EDRF1: variants seen among roughly 807,000 people sequenced by gnomAD.
The protein encoded by EDRF1 is erythroid differentiation regulatory factor 1, also known as erythroid differentiation-related factor 1.
EDRF1 carries 69 observed loss-of-function variants against 148.7 expected under a neutral mutation model. That is an observed-to-expected ratio of 0.46 (90% CI 0.38 to 0.57). EDRF1 has a LOEUF of 0.57. Among genes scored for constraint, EDRF1 ranks in the 20% least tolerant of loss-of-function variants. The pLI is 0.00. For synonymous variants in EDRF1, 515 were observed against 532.8 expected, an observed-to-expected ratio of 0.97 and a Z score of 0.46; for missense variants, 1,118 against 1,478.7, an observed-to-expected ratio of 0.76 and a Z score of 4.00.
intron 19 of EDRF1, 106 bp from the exon 20 acceptor site, chr10:125,747,430 A>C: frequency 7.9e-7 from 1 of 1,269,174 alleles, no homozygotes; most frequent in Non-Finnish European, 1.1e-6. Context: ...AAATTATCCC[A>C]AAATTAAATT....
In EDRF1 at chr10:125,763,505, G is replaced by A; in HGVS notation, c.*33G>A. On this transcript the variant is annotated 3_prime_UTR_variant, in exon 25 of 25. Transcript: ENST00000356792. This position sits in a 1 kb window ranked among gnomAD's most constrained non-coding sequence, Gnocchi z 4.3. ...GAGCCGTGTCCCAGACACGCTGTCA[G>A]TGCCTTCAACACGGAGCCGGTTTGT... 1 of 1,599,078 alleles carries A rather than the reference G, an allele frequency of 6.3e-7. No homozygotes were observed. The highest frequency in any genetic ancestry group is 1.1e-5 in the South Asian group (1 of 90,818).
rs187355921 is a variant in EDRF1 at position 125,739,783 on chromosome 10, C to T, written c.1982-680C>T. ...TATTTTGTTCTTTGTCTGTTAATTA[C>T]ACTTAACATATTTTGTTGTGGTTTA... is the stretch of plus-strand genomic sequence containing the variant. On this transcript the variant is annotated intron_variant, in intron 15 of 24. Coordinates refer to ENST00000356792, the MANE Select transcript of EDRF1 (RefSeq NM_001202438.2). Among the ~76,000 whole-genome samples the T allele has an allele frequency of 9.8e-5, 15 of 152,290 alleles. 1 individual carries two copies. Among genetic ancestry groups the T allele is most frequent in the African/African-American group, 3.4e-4 (14 of 41,560 alleles).
chr10:125,736,537 T>C (rs1353992374), intron 13 of EDRF1, among the ~76,000 whole-genome samples: 1 of 152,186 alleles, frequency 6.6e-6, no homozygotes, highest in Admixed American at 6.5e-5. Context: ...TTCCCTGAAC[T>C]GAAATACAGT....
chr10:125,737,779 A>G (rs975209418), intron 13 of EDRF1, 139 bp from the exon 14 acceptor site: 2 of 805,522 alleles, frequency 2.5e-6, no homozygotes, highest in African/African-American at 3.4e-5. Flanking sequence ...TAAGTACTTA[A>G]AGCAACATAT....
At chr10:125,722,128 T>C (rs972507328) in intron 2 of EDRF1, among the ~76,000 whole-genome samples, 4 of 152,234 alleles carry the variant, frequency 2.6e-5, no homozygotes, top group Non-Finnish European at 5.9e-5. Context: ...AAATGCTGTT[T>C]GTTTGTAGCA....
chr10:125,725,463 C>G (rs1564731493), intron 5 of EDRF1, 21 bp downstream of exon 5: 2 of 1,613,322 alleles, frequency 1.2e-6, no homozygotes, highest in Non-Finnish European at 8.5e-7. Flanking sequence ...ACTTATTTAT[C>G]TCTAAAGAGA....
chr10:125,722,081 A>T (rs1259066490), intron 2 of EDRF1, among the ~76,000 whole-genome samples: 1 of 152,262 alleles, frequency 6.6e-6, no homozygotes, highest in African/African-American at 2.4e-5. Flanking sequence ...TTTGGAAATT[A>T]TCCTAAAGCC....
chr10:125,733,781 A>AT, intron 11 of EDRF1, 38 bp downstream of exon 11: 1 of 1,553,634 alleles, frequency 6.4e-7, no homozygotes, highest in Non-Finnish European at 8.9e-7. Flanking sequence ...GAAGTAGCCT[A>AT]TTATATAAAG....
chr10:125,752,227 G>GTCTTT (rs1193759881), intron 22 of EDRF1: 1 of 153,946 alleles, frequency 6.5e-6, no homozygotes, highest in African/African-American at 2.4e-5. Context: ...GGGAGCCAAG[G>GTCTTT]ACAAAGACTA....
chr10:125,725,616 CG>C, intron 5 of EDRF1, 65 bp from the exon 6 acceptor site: 1 of 1,598,930 alleles, frequency 6.3e-7, no homozygotes, highest in Non-Finnish European at 8.6e-7. Context: ...TTTTTATAAA[CG>C]GGTAGACTGT....
chr10:125,753,299 G>A (rs949422800), intron 23 of EDRF1, among the ~76,000 whole-genome samples: 1 of 152,126 alleles, frequency 6.6e-6, no homozygotes, highest in African/African-American at 2.4e-5. Context: ...GCCTAAGCAG[G>A]CTCCTCAGGA....
At chr10:125,723,625 G>A (rs556387844) in intron 3 of EDRF1, among the ~76,000 whole-genome samples, 186 bp from the exon 4 acceptor site, 10 of 152,262 alleles carry the variant, frequency 6.6e-5, no homozygotes, top group Admixed American at 2.0e-4. Context: ...TAAAGTGTAC[G>A]TGATTCTGGT....
chr10:125,744,852 CTG>C (rs1430966319), intron 18 of EDRF1: 1 of 152,230 alleles, frequency 6.6e-6, no homozygotes, highest in Non-Finnish European at 1.5e-5. Context: ...ATGCCTGAAA[CTG>C]GAGAGTTTTT....
At chr10:125,749,152 C>G (rs1412675537) in intron 21 of EDRF1, 9 of 439,672 alleles carry the variant, frequency 2.0e-5, no homozygotes, top group African/African-American at 1.6e-4. Flanking sequence ...GAGGCTGAGG[C>G]AGGGGAATTG....
intron 22 of EDRF1, chr10:125,752,253 T>C (rs1027857198): frequency 1.9e-5 from 3 of 158,188 alleles, no homozygotes; most frequent in African/African-American, 7.2e-5. Context: ...CTGTACAAGA[T>C]TTAATCCTCT....
At chr10:125,747,720 A>T in intron 20 of EDRF1, 26 bp downstream of exon 20, 2 of 1,613,702 alleles carry the variant, frequency 1.2e-6, no homozygotes, top group Non-Finnish European at 1.7e-6. Flanking sequence ...GGAGTATAAA[A>T]TAAGTTCTCA....
At chr10:125,755,425 C>T (rs186413516) in intron 24 of EDRF1, among the ~76,000 whole-genome samples, 3 of 152,232 alleles carry the variant, frequency 2.0e-5, no homozygotes, top group Admixed American at 1.3e-4. Flanking sequence ...ATTTTTGTGT[C>T]TATGCATAGG....
intron 17 of EDRF1, chr10:125,742,692 A>G (rs1213998357): frequency 1.0e-6 from 1 of 984,864 alleles, no homozygotes; most frequent in Non-Finnish European, 1.2e-6. Flanking sequence ...TAAAGTTAAT[A>G]TTGGGACATT....
Position 125,733,646 on chromosome 10 carries a change from G to T in EDRF1, c.1288G>T (p.Asp430Tyr). Reference sequence around the variant, plus strand: ...GTTTTTCTTTTCAGCAAGTGGCAGCGATATAGTGAAGCTCTATGACCTCAC... The same window carrying T: ...GTTTTTCTTTTCAGCAAGTGGCAGCTATATAGTGAAGCTCTATGACCTCAC... ...TYWLFKASGS[D>Y]IVKLYDLTTL... The change falls in exon 11 of 25, where the codon GAT becomes TAT. Residue 430 changes from aspartate to tyrosine, a missense_variant. Asp to Tyr is a radical substitution (Grantham distance 160). Coordinates refer to ENST00000356792, the MANE Select transcript of EDRF1 (RefSeq NM_001202438.2). 1 of 1,613,422 alleles carries T rather than the reference G, an allele frequency of 6.2e-7. No individual in the cohort carries two copies. The highest frequency in any genetic ancestry group is 8.5e-7 in the Non-Finnish European group (1 of 1,179,486).
Sources: allele counts gnomAD v4.1 joint callset (sites outside exome capture counted in the v4.1 genomes callset), GRCh38; gene constraint gnomAD v4.1.1; non-coding constraint Gnocchi (gnomAD v3.1); transcripts MANE v1.5; gene names NCBI Gene and HGNC (gene_info 2026-07-23, HGNC 2026-07-21).